Variants in BRD10 observed in about 807,000 individuals in gnomAD.
The protein encoded by BRD10 is bromodomain containing 10, also known as uncharacterized bromodomain-containing protein 10.
chr9:5,986,158 GT>G, the BRD10 span, among the ~76,000 whole-genome samples: 1 of 152,082 alleles, frequency 6.6e-6, no homozygotes, highest in Non-Finnish European at 1.5e-5. Flanking sequence ...GGTGTGTGTT[GT>G]TCCCCTCCCT....
At chr9:5,893,120 G>A in the BRD10 span, among the ~76,000 whole-genome samples, 1 of 152,194 alleles carries the variant, frequency 6.6e-6, no homozygotes, top group African/African-American at 2.4e-5. Context: ...GCTAAGCATT[G>A]TATACTGGCG....
the BRD10 span, among the ~76,000 whole-genome samples, chr9:5,976,220 T>C: frequency 6.6e-6 from 1 of 152,124 alleles, no homozygotes; most frequent in Admixed American, 6.5e-5. Flanking sequence ...CTGAAATCAA[T>C]TTTTCAAAGC....
At chr9:5,991,724 T>TAAAAA in the BRD10 span, among the ~76,000 whole-genome samples, 3 of 118,032 alleles carry the variant, frequency 2.5e-5, no homozygotes, top group Non-Finnish European at 3.5e-5. Context: ...GACTCTGTCT[T>TAAAAA]AAAAAAAAAA....
chr9:5,906,908 T>A, the BRD10 span: 1 of 1,586,844 alleles, frequency 6.3e-7, no homozygotes. Flanking sequence ...ATGTTGGCAC[T>A]CAATGTGCCT....
chr9:5,956,789 T>TA, the BRD10 span, among the ~76,000 whole-genome samples: 4 of 152,166 alleles, frequency 2.6e-5, no homozygotes, highest in African/African-American at 4.8e-5. Flanking sequence ...ATACTTAACT[T>TA]AGAGTACTGT....
At chr9:5,932,157 A>G in the BRD10 span, among the ~76,000 whole-genome samples, 36,596 of 152,112 alleles carry the variant, frequency 0.24, 4,541 homozygotes, top group South Asian at 0.37. Context: ...AAAAATCTAC[A>G]TAAAAATCAA....
the BRD10 span, chr9:5,921,179 C>T: frequency 1.6e-5 from 26 of 1,613,862 alleles, no homozygotes; most frequent in South Asian, 2.5e-4. Flanking sequence ...TTTGTCTTCT[C>T]CTTTTGGGGT....
the BRD10 span, among the ~76,000 whole-genome samples, chr9:5,998,858 G>C: frequency 6.6e-6 from 1 of 151,964 alleles, no homozygotes; most frequent in Non-Finnish European, 1.5e-5. Flanking sequence ...TTGTACGAAG[G>C]ATTTAGATAA....
At chr9:5,954,780 T>C in the BRD10 span, among the ~76,000 whole-genome samples, 13 of 152,090 alleles carry the variant, frequency 8.5e-5, no homozygotes, top group Non-Finnish European at 1.8e-4. Flanking sequence ...GACAAAAAAA[T>C]ACATACATGC....
the BRD10 span, among the ~76,000 whole-genome samples, chr9:5,891,847 G>T: frequency 2.6e-5 from 4 of 152,196 alleles, no homozygotes; most frequent in Non-Finnish European, 5.9e-5. Context: ...GAGTGCCTGG[G>T]GACAGGCTGA....
the BRD10 span, among the ~76,000 whole-genome samples, chr9:5,940,712 G>C: frequency 6.6e-6 from 1 of 152,026 alleles, no homozygotes; most frequent in Non-Finnish European, 1.5e-5. Flanking sequence ...GGACAAATGG[G>C]GAGAAAAGTT....
At chr9:5,901,617 C>G in the BRD10 span, among the ~76,000 whole-genome samples, 3 of 152,162 alleles carry the variant, frequency 2.0e-5, no homozygotes, top group African/African-American at 7.2e-5. Flanking sequence ...CTCCCAGGCT[C>G]AGGTGATCCT....
chr9:6,008,242 C>T, the BRD10 span: 1 of 982,130 alleles, frequency 1.0e-6, no homozygotes, highest in Admixed American at 6.2e-5. Context: ...GCGGCTCCGG[C>T]TCCTCCTCTC....
the BRD10 span, chr9:5,920,233 G>T: frequency 1.2e-6 from 2 of 1,613,848 alleles, no homozygotes; most frequent in Non-Finnish European, 1.7e-6. Flanking sequence ...GAACTAAGGG[G>T]GCTCCATATT....
chr9:5,968,706 A>G, the BRD10 span: 15 of 1,613,852 alleles, frequency 9.3e-6, no homozygotes, highest in African/African-American at 5.3e-5. Context: ...AATTTCTCCA[A>G]TTTAATCCGA....
the BRD10 span, among the ~76,000 whole-genome samples, chr9:5,991,485 G>C: frequency 6.6e-6 from 1 of 152,066 alleles, no homozygotes; most frequent in African/African-American, 2.4e-5. Flanking sequence ...CACACTGGGA[G>C]GCCAAGGCAG....
At chr9:5,927,648 T>C in the BRD10 span, among the ~76,000 whole-genome samples, 1 of 152,188 alleles carries the variant, frequency 6.6e-6, no homozygotes. Flanking sequence ...TAAATTCTTA[T>C]TTCTCATTTC....
At chr9:5,972,825 C>T in the BRD10 span, among the ~76,000 whole-genome samples, 2 of 152,128 alleles carry the variant, frequency 1.3e-5, no homozygotes, top group African/African-American at 4.8e-5. Context: ...TGGACTAAGA[C>T]ACTCTTCAAC....
At chr9:5,930,782 G>A in the BRD10 span, among the ~76,000 whole-genome samples, 7 of 152,130 alleles carry the variant, frequency 4.6e-5, no homozygotes, top group African/African-American at 1.4e-4. Flanking sequence ...TTAAAAATGA[G>A]CTACACCTTA....
Sources: allele counts gnomAD v4.1 joint callset (sites outside exome capture counted in the v4.1 genomes callset), GRCh38; gene constraint gnomAD v4.1.1; transcripts MANE v1.5; gene names NCBI Gene and HGNC (gene_info 2026-07-23, HGNC 2026-07-21).